The following PCDH17 variants were observed in gnomAD, a reference collection of about 807,000 sequenced individuals.
PCDH17 encodes protocadherin-17.
In PCDH17, 21 loss-of-function variants were observed where a neutral mutation model predicts 67.7. The observed-to-expected ratio is 0.31, with a 90% CI of 0.22 to 0.45. PCDH17 has a LOEUF of 0.45. Among genes scored for constraint, PCDH17 ranks in the 20% least tolerant of loss-of-function variants. PCDH17 has a pLI of 1.00. For synonymous variants in PCDH17, 701 were observed against 656.7 expected (o/e 1.07, Z -1.03); for missense variants, 1,471 against 1,564.8 (o/e 0.94, Z 1.01).
intron 3 of PCDH17, among the ~76,000 whole-genome samples, chr13:57,693,241 C>T (rs1955575509): frequency 7.1e-6 from 1 of 140,548 alleles, no homozygotes; most frequent in Non-Finnish European, 1.5e-5. Context: ...AGTATGATAA[C>T]TAATTGTGAA....
chr13:57,635,656 G>A (rs1017905076), intron 1 of PCDH17, among the ~76,000 whole-genome samples: 2 of 152,074 alleles, frequency 1.3e-5, no homozygotes, highest in Non-Finnish European at 2.9e-5. Flanking sequence ...TATTTTAAAG[G>A]TGCTTTAAAG....
chr13:57,712,321 C>T (rs953417790), intron 3 of PCDH17, among the ~76,000 whole-genome samples: 3 of 151,532 alleles, frequency 2.0e-5, no homozygotes, highest in Admixed American at 6.6e-5. Flanking sequence ...TCAGCAGAGA[C>T]GTTGTGATCC....
At chr13:57,662,085 T>C (rs183301695) in intron 1 of PCDH17, among the ~76,000 whole-genome samples, 1 of 152,250 alleles carries the variant, frequency 6.6e-6, no homozygotes, top group African/African-American at 2.4e-5. Flanking sequence ...CAGGCTGGTC[T>C]CGAACTCCTG....
At chr13:57,676,564 CAAGTA>C (rs1201233184) in intron 3 of PCDH17, among the ~76,000 whole-genome samples, 1 of 151,662 alleles carries the variant, frequency 6.6e-6, no homozygotes, top group Non-Finnish European at 1.5e-5. Flanking sequence ...TACTTAAATC[CAAGTA>C]AATTAATGAG....
chr13:57,633,393 A>T lies in PCDH17; in HGVS notation c.847A>T (p.Ser283Cys). Reference sequence around the variant, plus strand: ...CAATGGTGAAGTGCTCTACTCTTTCAGCAGCTACGTGCCTGACCGCGTGCG... The same window carrying T: ...CAATGGTGAAGTGCTCTACTCTTTCTGCAGCTACGTGCCTGACCGCGTGCG... ...GPNGEVLYSF[S>C]SYVPDRVREL... is the part of the protein sequence containing the mutation. Residue 283 changes from serine to cysteine, a missense_variant, in exon 1 of 4, where the codon AGC becomes TGC. Around this residue, in one of 3 missense-constraint regions of PCDH17, gnomAD observed 1,163 missense variants for 1,230.0 expected, o/e 0.95. Coordinates refer to ENST00000377918, the MANE Select transcript of PCDH17 (RefSeq NM_001040429.3). The surrounding 1 kb of genome is among the most constrained non-coding windows in gnomAD (Gnocchi z 6.2). 6.2e-7 allele frequency: 1 copy of T among 1,613,312 alleles called. No individual in the cohort carries two copies. The highest frequency in any genetic ancestry group is 8.5e-7 in the Non-Finnish European group (1 of 1,180,014).
intron 1 of PCDH17, among the ~76,000 whole-genome samples, chr13:57,658,447 C>T (rs1441080412): frequency 1.3e-5 from 2 of 152,072 alleles, no homozygotes; most frequent in Non-Finnish European, 2.9e-5. Flanking sequence ...TATTTCTGAT[C>T]GATTTTTAAA....
In PCDH17 at chr13:57,634,373, T is replaced by C. The variant is rs773465495; in HGVS notation, c.1827T>C (p.Thr609=). The C allele has an allele frequency of 1.2e-6, 2 of 1,612,558 alleles. No individual in the cohort carries two copies. Among genetic ancestry groups the C allele is most frequent in the Non-Finnish European group, 1.7e-6 (2 of 1,179,894 alleles). ...CTGGCCTGGGCTATCTGGTGAGCAC[T>C]GTGCGCGCCCTAGACAGCGACTTCG... ...RNAGLGYLVS[T]VRALDSDFGE... Residue 609 remains threonine (T), a synonymous_variant, in exon 1 of 4, where the codon ACT becomes ACC. Transcript: ENST00000377918. This position sits in a 1 kb window ranked among gnomAD's most constrained non-coding sequence, Gnocchi z 7.8.
chr13:57,675,957 C>T (rs1955387103), intron 3 of PCDH17, among the ~76,000 whole-genome samples: 2 of 151,866 alleles, frequency 1.3e-5, no homozygotes, highest in African/African-American at 4.8e-5. Context: ...CGATTAAAAA[C>T]TTGTTTTGAT....
At chr13:57,705,570 T>C (rs1333104141) in intron 3 of PCDH17, among the ~76,000 whole-genome samples, 1 of 152,162 alleles carries the variant, frequency 6.6e-6, no homozygotes, top group East Asian at 1.9e-4. Flanking sequence ...TGCACATGTA[T>C]TGTCACACAT....
At chr13:57,670,641 A>C (rs1489619562) in intron 3 of PCDH17, among the ~76,000 whole-genome samples, 1 of 151,300 alleles carries the variant, frequency 6.6e-6, no homozygotes, top group Non-Finnish European at 1.5e-5. Context: ...AAATTGAAAT[A>C]TTTCTTTAAT....
At chr13:57,675,850 G>A (rs527858111) in intron 3 of PCDH17, among the ~76,000 whole-genome samples, 1 of 151,974 alleles carries the variant, frequency 6.6e-6, no homozygotes, top group South Asian at 2.1e-4. Context: ...CAATGTGTTG[G>A]GAGAGAGGAA....
chr13:57,721,572 T>C (rs992939721), intron 3 of PCDH17, among the ~76,000 whole-genome samples: 11 of 152,148 alleles, frequency 7.2e-5, no homozygotes, highest in Non-Finnish European at 1.6e-4. Context: ...ACTTAACTTA[T>C]TGAGGGCACT....
rs1955788257 is a variant in PCDH17 at position 57,712,835 on chromosome 13, T to G, written c.2798-11777T>G. Among the ~76,000 whole-genome samples, 3 of 151,630 alleles carry G rather than the reference T, an allele frequency of 2.0e-5. No homozygotes were observed. The Admixed American group carries it at 2.0e-4, about 10-fold the overall frequency. Reference sequence around the variant, plus strand: ...AAAATAATTGCTTATATATTTCTATTTATTTTCTTGTTAAAATTACCCTTT... The same window carrying G: ...AAAATAATTGCTTATATATTTCTATGTATTTTCTTGTTAAAATTACCCTTT... On this transcript the variant is annotated intron_variant, in intron 3 of 3. Coordinates refer to ENST00000377918, the MANE Select transcript of PCDH17 (RefSeq NM_001040429.3).
intron 3 of PCDH17, among the ~76,000 whole-genome samples, chr13:57,703,514 A>G (rs1226242803): frequency 6.6e-6 from 1 of 152,106 alleles, no homozygotes; most frequent in African/African-American, 2.4e-5. Context: ...TATGTCCCAG[A>G]AGGAGGAAAC....
In PCDH17 at chr13:57,633,773, C is replaced by T; in HGVS notation, c.1227C>T (p.Ser409=). ...GGGGLGGPGG[S]VPFKLEENYD... ...GGGGCCTGGGCGGGCCCGGGGGTTCCGTCCCCTTCAAGCTTGAGGAGAACT... is the reference window on the plus strand; with the variant it reads ...GGGGCCTGGGCGGGCCCGGGGGTTCTGTCCCCTTCAAGCTTGAGGAGAACT... The change falls in exon 1 of 4, where the codon TCC becomes TCT. Residue 409 remains serine, a synonymous_variant. Transcript: ENST00000377918. This position sits in a 1 kb window ranked among gnomAD's most constrained non-coding sequence, Gnocchi z 6.2. 1 of 1,597,780 alleles carries T rather than the reference C, an allele frequency of 6.3e-7. No individual in the cohort carries two copies. Among genetic ancestry groups the T allele is most frequent in the African/African-American group, 1.3e-5 (1 of 74,832 alleles).
At chr13:57,661,688 A>T (rs1021745261) in intron 1 of PCDH17, among the ~76,000 whole-genome samples, 3 of 152,150 alleles carry the variant, frequency 2.0e-5, no homozygotes, top group Non-Finnish European at 2.9e-5. Context: ...TAAGGTATAG[A>T]TCAAGGTTCA....
intron 3 of PCDH17, among the ~76,000 whole-genome samples, chr13:57,678,126 A>G (rs1289066999): frequency 6.9e-6 from 1 of 143,964 alleles, no homozygotes; most frequent in Non-Finnish European, 1.5e-5. Flanking sequence ...TAACTATTTC[A>G]CTCTCTCTCT....
intron 1 of PCDH17, among the ~76,000 whole-genome samples, chr13:57,645,936 C>T (rs192100910): frequency 3.4e-4 from 52 of 151,044 alleles, no homozygotes; most frequent in Admixed American, 1.8e-3. Context: ...TAATTTTTAA[C>T]CTGGTTTTAT....
intron 3 of PCDH17, 90 bp from the exon 4 acceptor site, chr13:57,724,522 G>A (rs1955896452): frequency 4.0e-6 from 4 of 1,009,262 alleles, no homozygotes; most frequent in Admixed American, 4.9e-5. Context: ...CAGAGGTCAA[G>A]CAAGCCCATT....
Sources: gnomAD v4.1 joint callset for allele counts (sites outside exome capture counted in the v4.1 genomes callset) on GRCh38, gnomAD v4.1.1 for gene constraint, gnomAD v4.1.1 regional missense constraint, Gnocchi (gnomAD v3.1) non-coding constraint, MANE v1.5 for transcripts, NCBI Gene and HGNC (gene_info 2026-07-23, HGNC 2026-07-21) for gene names.